Variants in CCSER1 observed in about 807,000 individuals in gnomAD.
CCSER1 encodes the protein serine-rich coiled-coil domain-containing protein 1.
Under a neutral mutation model 82.0 loss-of-function variants are expected in CCSER1, and 41 were observed. The ratio of observed to expected loss-of-function variants is 0.50; its 90% confidence interval spans 0.39 to 0.65. CCSER1 has a LOEUF of 0.65. Ranked by LOEUF, CCSER1 falls within the 30% of genes least tolerant of loss-of-function variation. The probability of loss-of-function intolerance (pLI) is 0.00; values close to 1 mark genes in which losing one functional copy is unlikely to be tolerated. For missense variants in CCSER1, 1,119 were observed against 1,064.2 expected (o/e 1.05, Z -0.72); for synonymous variants, 414 against 383.9 (o/e 1.08, Z -0.92).
chr4:91,318,250 T>C (rs1161726931), intron 10 of CCSER1, among the ~76,000 whole-genome samples: 1 of 151,996 alleles, frequency 6.6e-6, no homozygotes, highest in Non-Finnish European at 1.5e-5. Context: ...GCTGAGAAGT[T>C]TAGGCGGTCA....
chr4:91,037,168 G>A (rs980959291), intron 9 of CCSER1, among the ~76,000 whole-genome samples: 4 of 151,922 alleles, frequency 2.6e-5, no homozygotes, highest in Non-Finnish European at 5.9e-5. Context: ...TCTCTGCATT[G>A]TCTTTTCATA....
chr4:90,884,954 A>T (rs947320570), intron 8 of CCSER1, among the ~76,000 whole-genome samples: 1 of 152,198 alleles, frequency 6.6e-6, no homozygotes, highest in African/African-American at 2.4e-5. Context: ...GAACATTTGT[A>T]TGATCTTTGT....
intron 3 of CCSER1, among the ~76,000 whole-genome samples, chr4:90,334,162 A>G: frequency 6.6e-6 from 1 of 152,140 alleles, no homozygotes; most frequent in Non-Finnish European, 1.5e-5. Context: ...TAATTGCGAT[A>G]ATGCACAAAG....
rs1730241433 is a variant in CCSER1 at position 90,932,984 on chromosome 4, GAAAGAAAGAA to G, written c.2172+9539_2172+9548del. Among the ~76,000 whole-genome samples the G allele has an allele frequency of 6.3e-4, 13 of 20,530 alleles. 3 individuals are homozygous for G. Among genetic ancestry groups the G allele is most frequent in the African/African-American group, 1.0e-3 (4 of 3,996 alleles). The allele number at this position is 20,530 out of a possible 152,430, so 13.5% of individuals were successfully genotyped here. On this transcript the variant is annotated intron_variant, in intron 9 of 10. Coordinates refer to ENST00000509176, the MANE Select transcript of CCSER1 (RefSeq NM_001145065.2). ...AAAGAAAGAAAGAAAGAAAGAAAGA[GAAAGAAAGAA>G]AGAAAGAAAGAAAGAAAGAAAGAAA... is the stretch of plus-strand genomic sequence containing the variant.
chr4:90,902,456 GA>G (rs1724801931), intron 8 of CCSER1, among the ~76,000 whole-genome samples: 1 of 151,996 alleles, frequency 6.6e-6, no homozygotes, highest in Non-Finnish European at 1.5e-5. Context: ...TTGGATGGAA[GA>G]TTTTTTTTTG....
intron 4 of CCSER1, among the ~76,000 whole-genome samples, chr4:90,457,507 G>T (rs777183367): frequency 2.2e-4 from 33 of 152,176 alleles, no homozygotes; most frequent in Non-Finnish European, 4.1e-4. Flanking sequence ...CTACAGTACA[G>T]CTCTCCAGAG....
At chr4:91,502,447 A>G (rs1759258295) in intron 10 of CCSER1, among the ~76,000 whole-genome samples, 1 of 152,222 alleles carries the variant, frequency 6.6e-6, no homozygotes, top group South Asian at 2.1e-4. Context: ...GCATATAATA[A>G]TAATATCATC....
intron 10 of CCSER1, among the ~76,000 whole-genome samples, chr4:91,377,817 C>G (rs954540538): frequency 7.2e-5 from 11 of 152,134 alleles, no homozygotes; most frequent in Non-Finnish European, 4.4e-5. Context: ...GACATGAAGT[C>G]CTTGCCCATG....
At chr4:90,206,856 G>A (rs1053824724) in intron 1 of CCSER1, among the ~76,000 whole-genome samples, 1 of 151,552 alleles carries the variant, frequency 6.6e-6, no homozygotes, top group Non-Finnish European at 1.5e-5. Context: ...TTTTGAATCT[G>A]GGTGCTCCTG....
intron 7 of CCSER1, among the ~76,000 whole-genome samples, chr4:90,758,446 A>G (rs545775309): frequency 1.3e-5 from 2 of 152,196 alleles, no homozygotes; most frequent in African/African-American, 4.8e-5. Flanking sequence ...TTCAATATAT[A>G]TAAATATCCA....
rs1301798085 is a variant in CCSER1 at position 91,552,386 on chromosome 4, T to C, written c.2218-46186T>C. 2.0e-5 allele frequency among the ~76,000 whole-genome samples: 3 copies of C among 151,768 alleles called. 1 individual carries two copies. Among genetic ancestry groups the C allele is most frequent in the Non-Finnish European group, 4.4e-5 (3 of 67,950 alleles). On this transcript the variant is annotated intron_variant, in intron 10 of 10. Transcript: ENST00000509176. ...GAGGATACAGAAAAGAATGAGACACTGTCTTGAAGGAACTTACATTCTTGG... is the reference window on the plus strand; with the variant it reads ...GAGGATACAGAAAAGAATGAGACACCGTCTTGAAGGAACTTACATTCTTGG...
At chr4:90,374,522 G>A (rs1343679696) in intron 3 of CCSER1, among the ~76,000 whole-genome samples, 1 of 152,108 alleles carries the variant, frequency 6.6e-6, no homozygotes, top group African/African-American at 2.4e-5. Context: ...AAAATTCTAT[G>A]TATTGTTTTG....
rs1291756287 is a variant in CCSER1 at position 91,548,766 on chromosome 4, C to T, written c.2218-49806C>T. On this transcript the variant is annotated intron_variant, in intron 10 of 10. Coordinates refer to ENST00000509176, the MANE Select transcript of CCSER1 (RefSeq NM_001145065.2). ...CTCTGTAGGTAAAGTGTCTCCCCCA[C>T]ACCATCCCCCTGGCTTCTTTTGTGA... is the stretch of plus-strand genomic sequence containing the variant. 2.0e-5 allele frequency among the ~76,000 whole-genome samples: 3 copies of T among 152,048 alleles called. No homozygotes were observed. In the East Asian group the frequency reaches 5.8e-4, roughly 29 times the overall value.
At chr4:91,438,411 C>A (rs1025649689) in intron 10 of CCSER1, among the ~76,000 whole-genome samples, 1 of 152,284 alleles carries the variant, frequency 6.6e-6, no homozygotes, top group Non-Finnish European at 1.5e-5. Context: ...AACAGACCTG[C>A]AGCTGAGGGT....
At chr4:90,242,313 A>G (rs751037365) in intron 1 of CCSER1, among the ~76,000 whole-genome samples, 1 of 152,170 alleles carries the variant, frequency 6.6e-6, no homozygotes, top group Non-Finnish European at 1.5e-5. Flanking sequence ...TCTCAAAAAG[A>G]AAAGAAAAGA....
At chr4:91,156,118 T>C (rs1485109099) in intron 10 of CCSER1, among the ~76,000 whole-genome samples, 1 of 151,728 alleles carries the variant, frequency 6.6e-6, no homozygotes, top group East Asian at 1.9e-4. Context: ...ATAATATTGT[T>C]TATGTTGATA....
At chr4:91,379,566 G>T (rs530684819) in intron 10 of CCSER1, among the ~76,000 whole-genome samples, 57 of 152,204 alleles carry the variant, frequency 3.7e-4, no homozygotes, top group African/African-American at 1.3e-3. Flanking sequence ...CTCTCTGATG[G>T]TAGTTTGTAT....
chr4:91,418,190 A>G (rs1753479692), intron 10 of CCSER1, among the ~76,000 whole-genome samples: 1 of 151,934 alleles, frequency 6.6e-6, no homozygotes, highest in Non-Finnish European at 1.5e-5. Flanking sequence ...AAAAGAACAA[A>G]TTAAGCCCAA....
At chr4:90,622,256 C>T (rs559500241) in intron 5 of CCSER1, among the ~76,000 whole-genome samples, 10 of 151,668 alleles carry the variant, frequency 6.6e-5, no homozygotes, top group Non-Finnish European at 1.3e-4. Flanking sequence ...GTTTCTCTGG[C>T]GACCTGATGT....
Sources: allele counts gnomAD v4.1 joint callset (sites outside exome capture counted in the v4.1 genomes callset), GRCh38; gene constraint gnomAD v4.1.1; transcripts MANE v1.5; gene names NCBI Gene and HGNC (gene_info 2026-07-23, HGNC 2026-07-21).